PNKD: variants seen among roughly 807,000 people sequenced by gnomAD.
PNKD encodes probable thioesterase PNKD.
In PNKD, 36 loss-of-function variants were observed where a neutral mutation model predicts 45.3. The ratio of observed to expected loss-of-function variants is 0.80; its 90% CI spans 0.61 to 1.05. The LOEUF (loss-of-function observed/expected upper bound fraction) is 1.05, where lower values mean the gene tolerates loss of function less well. PNKD is among the 50% of genes least tolerant of loss of function. The probability of loss-of-function intolerance (pLI) is 0.00; values close to 1 mark genes in which losing one functional copy is unlikely to be tolerated. For synonymous variants in PNKD, 197 were observed against 210.1 expected, an observed-to-expected ratio of 0.94 and a Z score of 0.54; for missense variants, 511 against 506.6, an observed-to-expected ratio of 1.01 and a Z score of -0.08.
intron 2 of PNKD, among the ~76,000 whole-genome samples, chr2:218,285,519 G>A (rs1001074305): frequency 2.0e-5 from 3 of 152,276 alleles, no homozygotes; most frequent in African/African-American, 7.2e-5. Context: ...GGCCCCAGGA[G>A]AAGAGGGTGG....
chr2:218,315,998 G>T (rs116494390), intron 2 of PNKD, among the ~76,000 whole-genome samples: 1 of 152,216 alleles, frequency 6.6e-6, no homozygotes, highest in Non-Finnish European at 1.5e-5. Context: ...TCCAAGCTGT[G>T]AGTGGGATCC....
chr2:218,290,497 G>A (rs1221390152), intron 2 of PNKD, among the ~76,000 whole-genome samples: 2 of 152,094 alleles, frequency 1.3e-5, no homozygotes, highest in East Asian at 3.9e-4. Context: ...TCACTCTCAG[G>A]GGGTCAGCCC....
intron 2 of PNKD, chr2:218,276,166 T>C: frequency 6.9e-7 from 1 of 1,439,618 alleles, no homozygotes. Flanking sequence ...GATAGTGGCA[T>C]GAGAGTGGGT....
intron 2 of PNKD, chr2:218,280,093 G>A (rs768283851): frequency 6.2e-6 from 10 of 1,613,924 alleles, no homozygotes; most frequent in Middle Eastern, 3.3e-4. Flanking sequence ...ATCACTCACT[G>A]CTCTCTCCTC....
rs397972881 is a variant in PNKD at position 218,316,268 on chromosome 2, C to CT, written c.237-23496dup. The stretch of plus-strand genomic sequence containing the variant: ...CAAGGGAAGATTTTTTTCTTTCTTT[C>CT]TTTTTTTTTTTTTTTTTTTGAGACA... On this transcript the variant is annotated intron_variant, in intron 2 of 9. Transcript: ENST00000273077. Among the ~76,000 whole-genome samples the CT allele has an allele frequency of 8.9e-3, 1,069 of 119,552 alleles. 35 individuals carry two copies. The highest frequency in any genetic ancestry group is 0.031 in the African/African-American group (945 of 30,832). 78.4% of individuals were successfully genotyped at this position (119,552 alleles called of 152,430 possible).
chr2:218,280,585 A>C (rs1325323745), intron 2 of PNKD: 2 of 224,048 alleles, frequency 8.9e-6, no homozygotes, highest in African/African-American at 4.6e-5. Context: ...GCAGGTGTGC[A>C]AAGGGTGTGC....
chr2:218,306,938 T>A lies in PNKD; in HGVS notation c.237-32845T>A, dbSNP rs140307600. ...CAATAAACTCATCCTAAATTGAAAA[T>A]ATCCTAAGTGGAAAATGCATTAAAT... On this transcript the variant is annotated intron_variant, in intron 2 of 9. Coordinates refer to ENST00000273077, the MANE Select transcript of PNKD (RefSeq NM_015488.5). Among the ~76,000 whole-genome samples, 539 of 152,272 alleles carry A rather than the reference T, an allele frequency of 3.5e-3. 5 individuals carry two copies. The highest frequency in any genetic ancestry group is 0.012 in the African/African-American group (506 of 41,548).
chr2:218,282,125 G>A, intron 2 of PNKD: 1 of 1,518,438 alleles, frequency 6.6e-7, no homozygotes, highest in Non-Finnish European at 8.8e-7. Flanking sequence ...TGGTGGTGGG[G>A]CGCTGGGGTT....
intron 2 of PNKD, among the ~76,000 whole-genome samples, chr2:218,336,385 T>A (rs775010200): frequency 2.0e-5 from 3 of 152,192 alleles, no homozygotes; most frequent in African/African-American, 7.2e-5. Context: ...TTGCTTAATA[T>A]TGTGCAATGC....
Position 218,345,188 on chromosome 2 carries a change from G to T in PNKD, c.*207G>T. ...GGGCCTGTTGGAGGCTGGGAACCCC[G>T]CAGCGCGAGGCTGCCTCATCAACGG... On this transcript the variant is annotated 3_prime_UTR_variant, in exon 10 of 10. Transcript: ENST00000273077. 1 of 584,816 alleles carries T rather than the reference G, an allele frequency of 1.7e-6. No individual in the cohort carries two copies. Among genetic ancestry groups the T allele is most frequent in the South Asian group, 2.2e-5 (1 of 46,346 alleles). 36.2% of individuals were successfully genotyped at this position (584,816 alleles called of 1,614,324 possible).
At chr2:218,304,567 C>T (rs1369734066) in intron 2 of PNKD, among the ~76,000 whole-genome samples, 2 of 152,208 alleles carry the variant, frequency 1.3e-5, no homozygotes, top group African/African-American at 4.8e-5. Context: ...TAAAACTTAA[C>T]TTCTCTCAAG....
intron 2 of PNKD, among the ~76,000 whole-genome samples, chr2:218,315,057 T>TCTTTCTTTTTCTTTCTTC (rs61429059): frequency 1.3e-4 from 7 of 55,642 alleles, no homozygotes; most frequent in African/African-American, 4.2e-4. Flanking sequence ...TTTCTTTCTT[T>TCTTTCTTTTTCTTTCTTC]CTTCCTTCCT....
At chr2:218,310,031 AG>A (rs1693556699) in intron 2 of PNKD, among the ~76,000 whole-genome samples, 1 of 151,916 alleles carries the variant, frequency 6.6e-6, no homozygotes, top group Admixed American at 6.6e-5. Context: ...TGGTTAATTC[AG>A]GCAGTCGGTG....
At chr2:218,276,640 G>GA (rs1334831935) in intron 2 of PNKD, among the ~76,000 whole-genome samples, 1 of 129,544 alleles carries the variant, frequency 7.7e-6, no homozygotes, top group East Asian at 2.4e-4. Context: ...TGGATCCAGA[G>GA]ACCCCCGCAA....
chr2:218,274,202 A>G (rs1307232395), intron 2 of PNKD: 1 of 154,964 alleles, frequency 6.5e-6, no homozygotes, highest in Non-Finnish European at 1.5e-5. Context: ...CAGGGTTTTA[A>G]CTTCTAGACA....
At chr2:218,341,702 T>G in intron 6 of PNKD, 76 bp downstream of exon 6, 1 of 1,124,070 alleles carries the variant, frequency 8.9e-7, no homozygotes, top group South Asian at 1.3e-5. Flanking sequence ...GTGAAGTGTT[T>G]CAGGGGTATC....
intron 2 of PNKD, chr2:218,281,990 G>A (rs369249600): frequency 2.5e-6 from 4 of 1,606,956 alleles, no homozygotes; most frequent in Non-Finnish European, 2.5e-6. Flanking sequence ...TGGGTAGCCA[G>A]CAGGGTGACC....
In PNKD at chr2:218,343,185, G is replaced by A. The variant is rs758193463; in HGVS notation, c.782-315G>A. ...TGAAATCCCAAAGGGCAGCCTAGGC[G>A]AAGAAGTGTTCCGTGGGAAAGAGCA... is the stretch of plus-strand genomic sequence containing the variant. On this transcript the variant is annotated intron_variant, in intron 7 of 9. Transcript: ENST00000273077. Among the ~76,000 whole-genome samples the A allele has an allele frequency of 5.3e-5, 8 of 152,346 alleles. No individual in the cohort carries two copies. The East Asian group carries it at 5.8e-4, about 11-fold the overall frequency.
intron 2 of PNKD, among the ~76,000 whole-genome samples, chr2:218,333,507 A>T (rs569575505): frequency 2.0e-5 from 3 of 152,336 alleles, no homozygotes; most frequent in African/African-American, 7.2e-5. Flanking sequence ...TCCACTTGCC[A>T]GGCTCTCGGC....
Sources: allele counts gnomAD v4.1 joint callset (sites outside exome capture counted in the v4.1 genomes callset), GRCh38; gene constraint gnomAD v4.1.1; transcripts MANE v1.5; gene names NCBI Gene and HGNC (gene_info 2026-07-23, HGNC 2026-07-21).